Variants in SASH1 observed in about 807,000 individuals in gnomAD.
SASH1 encodes SAM and SH3 domain-containing protein 1.
In SASH1, 44 loss-of-function variants were observed where a neutral mutation model predicts 125.2. That is an observed-to-expected ratio of 0.35 (90% CI 0.28 to 0.45). The LOEUF is 0.45. Among genes scored for constraint, SASH1 ranks in the 20% least tolerant of loss-of-function variants. SASH1 has a pLI of 1.00. For synonymous variants in SASH1, 639 were observed against 649.1 expected (o/e 0.98, Z 0.24); for missense variants, 1,426 against 1,614.5 (o/e 0.88, Z 2.00).
intron 7 of SASH1, among the ~76,000 whole-genome samples, chr6:148,487,090 T>TACACACACACACAC (rs1448530373): frequency 3.4e-4 from 34 of 100,708 alleles, no homozygotes; most frequent in African/African-American, 1.3e-3. Context: ...AACACATATA[T>TACACACACACACAC]ATACACACAC....
chr6:148,513,921 TAAAC>T (rs1780288891), intron 8 of SASH1: 3 of 988,434 alleles, frequency 3.0e-6, no homozygotes, highest in Admixed American at 1.2e-4. Context: ...ATGACCACGT[TAAAC>T]AGCAAGCCCT....
chr6:148,506,865 G>C (rs1414056647), intron 8 of SASH1, among the ~76,000 whole-genome samples: 2 of 152,218 alleles, frequency 1.3e-5, no homozygotes, highest in Admixed American at 1.3e-4. Flanking sequence ...TGTTGAGGTA[G>C]GGTAGTGGCA....
intron 1 of SASH1, among the ~76,000 whole-genome samples, chr6:148,345,508 C>T (rs1781493549): frequency 6.6e-6 from 1 of 152,136 alleles, no homozygotes; most frequent in African/African-American, 2.4e-5. Context: ...GGTAAACAGG[C>T]ATGGAGATTG....
chr6:148,411,314 T>C (rs1784622118), intron 2 of SASH1, among the ~76,000 whole-genome samples: 3 of 151,986 alleles, frequency 2.0e-5, no homozygotes, highest in African/African-American at 4.8e-5. Context: ...ACAGGTACCC[T>C]AGGGACCAAG....
chr6:148,484,455 G>A (rs1020067092), intron 7 of SASH1, among the ~76,000 whole-genome samples: 1 of 151,750 alleles, frequency 6.6e-6, no homozygotes, highest in Admixed American at 6.6e-5. Context: ...ATGCCTTCAT[G>A]AAATTATAAT....
upstream of SASH1, among the ~76,000 whole-genome samples, chr6:148,341,415 C>A (rs548312147): frequency 1.4e-5 from 2 of 141,666 alleles, no homozygotes; most frequent in Non-Finnish European, 3.0e-5. Flanking sequence ...TCAAGTGATT[C>A]GCCCGCCTCA....
intron 4 of SASH1, among the ~76,000 whole-genome samples, chr6:148,449,042 A>G (rs1158187070): frequency 7.7e-6 from 1 of 129,684 alleles, no homozygotes; most frequent in Admixed American, 7.7e-5. Context: ...TGTTGCTGTG[A>G]TAGAATACCC....
Position 148,531,197 on chromosome 6 carries a change from C to T in SASH1, c.1429-329C>T, listed in dbSNP as rs79625095. Among the ~76,000 whole-genome samples, 7 of 152,202 alleles carry T rather than the reference C, an allele frequency of 4.6e-5. No individual in the cohort carries two copies. In the East Asian group the frequency reaches 1.4e-3, roughly 29 times the overall value. On this transcript the variant is annotated intron_variant, in intron 12 of 19. Coordinates refer to ENST00000367467, the MANE Select transcript of SASH1 (RefSeq NM_015278.5). Reference sequence around the variant, plus strand: ...ACTTGATCTACATTTGAAGTCCAGCCTTGCTACTGGGCTTTTGCGTATGCT... The same window carrying T: ...ACTTGATCTACATTTGAAGTCCAGCTTTGCTACTGGGCTTTTGCGTATGCT...
chr6:148,327,916 G>T (rs933145332), intron 1 of SASH1, among the ~76,000 whole-genome samples: 1 of 147,082 alleles, frequency 6.8e-6, no homozygotes, highest in Non-Finnish European at 1.5e-5. Flanking sequence ...ACTCCAGCCT[G>T]GGTGACAGAG....
intron 4 of SASH1, among the ~76,000 whole-genome samples, chr6:148,447,419 G>A (rs1220958401): frequency 2.0e-5 from 3 of 152,264 alleles, no homozygotes; most frequent in Admixed American, 1.3e-4. Flanking sequence ...GTTTTATCTG[G>A]CAAGCTGATT....
intron 1 of SASH1, among the ~76,000 whole-genome samples, chr6:148,384,892 T>C (rs112685352): frequency 2.0e-5 from 3 of 152,346 alleles, no homozygotes; most frequent in African/African-American, 7.2e-5. Flanking sequence ...ATAGAAATGA[T>C]GATTATTCTT....
chr6:148,244,605 C>T, the SASH1 span, among the ~76,000 whole-genome samples: 18 of 152,234 alleles, frequency 1.2e-4, no homozygotes. Flanking sequence ...GCCTCCGTTT[C>T]TTTAATAGGG....
At chr6:148,466,365 A>G (rs1413370675) in intron 4 of SASH1, among the ~76,000 whole-genome samples, 1 of 152,196 alleles carries the variant, frequency 6.6e-6, no homozygotes, top group Non-Finnish European at 1.5e-5. Context: ...TGGTGCTTGC[A>G]GGGCATGGGC....
chr6:148,445,591 G>A (rs73013168), intron 4 of SASH1, among the ~76,000 whole-genome samples: 25,160 of 152,122 alleles, frequency 0.17, 2,431 homozygotes, highest in East Asian at 0.28. Context: ...CATGACTCAA[G>A]TCGGCCTTCA....
chr6:148,379,873 C>T, intron 1 of SASH1: 1 of 456,338 alleles, frequency 2.2e-6, no homozygotes, highest in Non-Finnish European at 4.4e-6. Context: ...TGTTCCATCA[C>T]CGCTGATCTT....
At chr6:148,271,015 T>C (rs1779050034), upstream of SASH1, among the ~76,000 whole-genome samples, 1 of 151,908 alleles carries the variant, frequency 6.6e-6, no homozygotes, top group African/African-American at 2.4e-5. Context: ...GTTCAAGTGA[T>C]TCTCCTGTCT....
intron 2 of SASH1, among the ~76,000 whole-genome samples, chr6:148,423,008 G>C (rs1252216773): frequency 2.6e-5 from 4 of 152,060 alleles, no homozygotes; most frequent in Admixed American, 1.3e-4. Flanking sequence ...GCGTGATCTC[G>C]GCTTACTGCA....
In SASH1 at chr6:148,325,520, C is replaced by T. The variant is rs140850513; in HGVS notation, n.74+53143C>T. 2.4e-3 allele frequency among the ~76,000 whole-genome samples: 372 copies of T among 152,074 alleles called. 2 individuals carry two copies. Among genetic ancestry groups the T allele is most frequent in the African/African-American group, 7.5e-3 (313 of 41,468 alleles). ...AACTCCTGACCTCAGGTGATCCACC[C>T]GCCTCAGCCTCCCAAAGTGCTGAGA... On this transcript the variant is annotated intron_variant and non_coding_transcript_variant, in intron 1 of 3. Coordinates refer to the SASH1 transcript ENST00000367469.
intron 1 of SASH1, among the ~76,000 whole-genome samples, chr6:148,277,402 G>A (rs1209175263): frequency 1.3e-5 from 2 of 152,184 alleles, no homozygotes; most frequent in African/African-American, 2.4e-5. Flanking sequence ...ACCGTGCTCC[G>A]ACCAGCCAGC....
Sources: gnomAD v4.1 joint callset for allele counts (sites outside exome capture counted in the v4.1 genomes callset) on GRCh38, gnomAD v4.1.1 for gene constraint, MANE v1.5 for transcripts, NCBI Gene and HGNC (gene_info 2026-07-23, HGNC 2026-07-21) for gene names.